Variants in KCNN2 observed in about 807,000 individuals in gnomAD.
KCNN2 encodes small conductance calcium-activated potassium channel protein 2.
In KCNN2, 24 loss-of-function variants were observed where a neutral mutation model predicts 55.5. That is an observed-to-expected ratio of 0.43 (90% CI 0.31 to 0.61). The LOEUF (loss-of-function observed/expected upper bound fraction) is 0.61, where lower values mean the gene tolerates loss of function less well. Among genes scored for constraint, KCNN2 ranks in the 20% least tolerant of loss-of-function variants. The pLI is 0.08. For synonymous variants in KCNN2, 431 were observed against 336.1 expected, an observed-to-expected ratio of 1.28 and a Z score of -3.09; for missense variants, 754 against 853.6, an observed-to-expected ratio of 0.88 and a Z score of 1.45.
rs1472867486 is a variant in KCNN2 at position 114,386,180 on chromosome 5, C to G, written c.1219-18258C>G. Among the ~76,000 whole-genome samples, 6 of 100,082 alleles carry G rather than the reference C, an allele frequency of 6.0e-5. No homozygotes were observed. The East Asian group carries it at 1.6e-3, about 27-fold the overall frequency. The allele number at this position is 100,082 out of a possible 152,430, so 65.7% of individuals were successfully genotyped here. On this transcript the variant is annotated intron_variant, in intron 2 of 7. Transcript: ENST00000673685. ...CTGGGGTGACAGAGCGAGACTCTGT[C>G]TAAAAAAAAAAAAAAAAAAAAAGTG...
At chr5:114,390,600 C>T (rs1758424013) in intron 2 of KCNN2, among the ~76,000 whole-genome samples, 1 of 152,088 alleles carries the variant, frequency 6.6e-6, no homozygotes, top group Non-Finnish European at 1.5e-5. Flanking sequence ...GAAACTGGAG[C>T]TCAAAAAGTT....
intron 1 of KCNN2, among the ~76,000 whole-genome samples, chr5:114,097,540 T>A (rs879932092): frequency 1.3e-5 from 2 of 152,052 alleles, no homozygotes; most frequent in Non-Finnish European, 2.9e-5. Context: ...CCTGGCTGAG[T>A]GTCAAAATAT....
chr5:114,298,856 G>T (rs1386387694), intron 2 of KCNN2, among the ~76,000 whole-genome samples: 1 of 152,064 alleles, frequency 6.6e-6, no homozygotes, highest in Non-Finnish European at 1.5e-5. Context: ...CTTCACTTCA[G>T]ATATAGTGTT....
chr5:114,210,317 GA>G (rs1448264657), intron 1 of KCNN2, among the ~76,000 whole-genome samples: 4 of 152,216 alleles, frequency 2.6e-5, no homozygotes, highest in African/African-American at 9.6e-5. Context: ...TCTTTAAGCA[GA>G]ATCACACATA....
chr5:114,090,516 T>C (rs1482691496), intron 1 of KCNN2, among the ~76,000 whole-genome samples: 1 of 151,642 alleles, frequency 6.6e-6, no homozygotes, highest in Non-Finnish European at 1.5e-5. Flanking sequence ...TCTGTTTCTC[T>C]CTCCCTCACT....
chr5:114,243,646 C>T (rs1177746317), intron 2 of KCNN2, among the ~76,000 whole-genome samples: 2 of 152,028 alleles, frequency 1.3e-5, no homozygotes, highest in Non-Finnish European at 2.9e-5. Flanking sequence ...TCTTGTATTT[C>T]GTTATCAGTG....
chr5:114,410,955 G>A (rs964644687), intron 3 of KCNN2, among the ~76,000 whole-genome samples: 6 of 152,102 alleles, frequency 3.9e-5, no homozygotes, highest in African/African-American at 1.2e-4. Flanking sequence ...AGACAAACTG[G>A]AGAAGCATAA....
At chr5:114,306,113 A>G (rs1038375142) in intron 2 of KCNN2, among the ~76,000 whole-genome samples, 2 of 152,230 alleles carry the variant, frequency 1.3e-5, no homozygotes, top group African/African-American at 4.8e-5. Context: ...CTGGAGCAAC[A>G]CTGTGAATTT....
At chr5:114,264,870 G>A (rs1428757122) in intron 2 of KCNN2, among the ~76,000 whole-genome samples, 1 of 152,162 alleles carries the variant, frequency 6.6e-6, no homozygotes, top group Non-Finnish European at 1.5e-5. Flanking sequence ...CTGTCCTCCT[G>A]ATGACAAAAG....
intron 2 of KCNN2, among the ~76,000 whole-genome samples, chr5:114,347,867 C>A (rs1757139120): frequency 6.6e-6 from 1 of 152,160 alleles, no homozygotes; most frequent in Admixed American, 6.5e-5. Flanking sequence ...ATCCATGAGA[C>A]AATGTTGAAC....
intron 2 of KCNN2, among the ~76,000 whole-genome samples, chr5:114,301,583 A>T (rs1756161495): frequency 6.6e-6 from 1 of 152,040 alleles, no homozygotes; most frequent in Non-Finnish European, 1.5e-5. Flanking sequence ...AACTGTTTCC[A>T]GCTACCCACT....
At chr5:114,078,313 G>A (rs1204709457) in intron 1 of KCNN2, among the ~76,000 whole-genome samples, 1 of 152,178 alleles carries the variant, frequency 6.6e-6, no homozygotes, top group Non-Finnish European at 1.5e-5. Flanking sequence ...GGAAAATTGA[G>A]AATGAGAGGC....
chr5:114,299,811 G>A (rs3101077), intron 2 of KCNN2, among the ~76,000 whole-genome samples: 149,211 of 152,268 alleles, frequency 0.98, 73,181 homozygotes, highest in Non-Finnish European at 1. Context: ...TGGCAACCCA[G>A]TTAGGTTCTG....
intron 3 of KCNN2, among the ~76,000 whole-genome samples, chr5:114,414,726 A>T (rs947532272): frequency 6.6e-6 from 1 of 152,234 alleles, no homozygotes; most frequent in Non-Finnish European, 1.5e-5. Context: ...TGGTGAATAA[A>T]TATTAGAATT....
chr5:114,261,187 A>G (rs1755101855), intron 2 of KCNN2, among the ~76,000 whole-genome samples: 1 of 152,190 alleles, frequency 6.6e-6, no homozygotes, highest in East Asian at 1.9e-4. Context: ...CAATATCACT[A>G]ATTAGCAGCA....
chr5:114,291,949 G>T (rs991626956), intron 2 of KCNN2, among the ~76,000 whole-genome samples: 16 of 152,152 alleles, frequency 1.1e-4, no homozygotes, highest in East Asian at 3.9e-4. Context: ...CAGTGATGAT[G>T]AGCATTTTTT....
At chr5:114,210,733 A>G (rs1275602288) in intron 1 of KCNN2, among the ~76,000 whole-genome samples, 1 of 152,192 alleles carries the variant, frequency 6.6e-6, no homozygotes, top group Non-Finnish European at 1.5e-5. Context: ...TAGGAAGCAC[A>G]AAGAGGTGAA....
chr5:114,154,384 G>A (rs567027735), intron 1 of KCNN2, among the ~76,000 whole-genome samples: 5 of 152,166 alleles, frequency 3.3e-5, no homozygotes, highest in Admixed American at 1.3e-4. Context: ...AGCTGCTCTA[G>A]GGCTCTGTGT....
At chr5:114,377,713 T>A (rs1412319111) in intron 2 of KCNN2, among the ~76,000 whole-genome samples, 1 of 152,122 alleles carries the variant, frequency 6.6e-6, no homozygotes, top group Non-Finnish European at 1.5e-5. Flanking sequence ...TAGAACTCAG[T>A]TTTACTCTGT....
Sources: allele counts gnomAD v4.1 joint callset (sites outside exome capture counted in the v4.1 genomes callset), GRCh38; gene constraint gnomAD v4.1.1; transcripts MANE v1.5; gene names NCBI Gene and HGNC (gene_info 2026-07-23, HGNC 2026-07-21).